Variants in SS18L2 observed in about 807,000 individuals in gnomAD.
SS18L2 encodes SS18-like protein 2.
Under a neutral mutation model 10.3 loss-of-function variants are expected in SS18L2, and 8 were observed. The ratio of observed to expected loss-of-function variants is 0.78; its 90% confidence interval spans 0.46 to 1.41. SS18L2 has a LOEUF of 1.41. SS18L2 is among the 40% of genes most tolerant of loss of function. SS18L2 has a pLI of 0.00. For missense variants in SS18L2, 100 were observed against 96.2 expected, an observed-to-expected ratio of 1.04 and a Z score of -0.17; for synonymous variants, 41 against 34.6, an observed-to-expected ratio of 1.19 and a Z score of -0.65.
rs1356574825 is a variant in SS18L2, at chr3:42,595,503, T to G, written c.*994T>G. 6.6e-6 allele frequency among the ~76,000 whole-genome samples: 1 copy of G among 152,230 alleles called. No homozygotes were observed. Among genetic ancestry groups the G allele is most frequent in the Non-Finnish European group, 1.5e-5 (1 of 68,028 alleles). On this transcript the variant is annotated 3_prime_UTR_variant, in exon 3 of 3. Coordinates refer to ENST00000011691, the MANE Select transcript of SS18L2 (RefSeq NM_001370300.1). ...GATAAGTACTTGCTTTTGCATCACA[T>G]AAGGAGTGACCTGACTTTTAAGTTC...
rs750971722 is a variant in SS18L2 at position 42,594,559 on chromosome 3, A to C, written c.*50A>C. 2.0e-6 allele frequency: 3 copies of C among 1,472,432 alleles called. No homozygotes were observed. Among genetic ancestry groups the C allele is most frequent in the Non-Finnish European group, 2.8e-6 (3 of 1,054,198 alleles). The allele number at this position is 1,472,432 out of a possible 1,614,324, so 91.2% of individuals were successfully genotyped here. The stretch of plus-strand genomic sequence containing the variant: ...TTCCATTTGGCTGTCGTGAGGAGTA[A>C]TTGAATGTAATCCATCTCTTACAAA... On this transcript the variant is annotated 3_prime_UTR_variant, in exon 3 of 3. Transcript: ENST00000011691.
At position 42,590,984 on chromosome 3, in the gene SS18L2, CG is replaced by C; in HGVS notation, c.69+21del. Reference sequence around the variant, plus strand: ...TCCAGCGGGTGAGCATCCACGCGGGCGGGCGGGCGGGCGGAGAGAAGTCGGG... The same window carrying C: ...TCCAGCGGGTGAGCATCCACGCGGGCGGCGGGCGGGCGGAGAGAAGTCGGG... On this transcript the variant is annotated intron_variant, in intron 1 of 2. Coordinates refer to ENST00000011691, the MANE Select transcript of SS18L2 (RefSeq NM_001370300.1). The C allele has an allele frequency of 2.8e-5, 2 of 70,508 alleles. No homozygotes were observed. Among genetic ancestry groups the C allele is most frequent in the Non-Finnish European group, 2.8e-5 (1 of 35,490 alleles). 4.4% of individuals were successfully genotyped at this position (70,508 alleles called of 1,614,324 possible). A position where few individuals can be genotyped will look rare whatever the true frequency, so the allele number is the denominator to read the frequency against.
chr3:42,583,417 G>A (rs1173635800), intron 1 of SS18L2, among the ~76,000 whole-genome samples: 1 of 152,196 alleles, frequency 6.6e-6, no homozygotes, highest in Non-Finnish European at 1.5e-5. Flanking sequence ...TGATGCCACT[G>A]TTCAGCCTTG....
chr3:42,593,142 C>G (rs1350926817), intron 2 of SS18L2, among the ~76,000 whole-genome samples: 1 of 152,098 alleles, frequency 6.6e-6, no homozygotes, highest in East Asian at 1.9e-4. Flanking sequence ...TGGCTCATCC[C>G]TGTAATCCCA....
upstream of SS18L2, among the ~76,000 whole-genome samples, chr3:42,585,946 C>A (rs540786909): frequency 3.3e-5 from 5 of 152,084 alleles, no homozygotes; most frequent in Admixed American, 6.5e-5. Context: ...TTCAACCCCC[C>A]CTCCCCCGCT....
At chr3:42,587,800 T>C (rs1216383815), upstream of SS18L2, among the ~76,000 whole-genome samples, 1 of 151,484 alleles carries the variant, frequency 6.6e-6, no homozygotes, top group Non-Finnish European at 1.5e-5. Flanking sequence ...GGCCAGGCTC[T>C]GTGGCTCACA....
At chr3:42,591,239 GC>G (rs1310333268) in intron 1 of SS18L2, 2 of 543,774 alleles carry the variant, frequency 3.7e-6, no homozygotes, top group Non-Finnish European at 6.4e-6. Flanking sequence ...CCGCTCTGTC[GC>G]CCAGGCTGGA....
Position 42,590,888 on chromosome 3 carries a change from GT to G in SS18L2, c.-8del, listed in dbSNP as rs775313868. The G allele has an allele frequency of 3.9e-5, 63 of 1,611,414 alleles. 2 individuals are homozygous for G. In the South Asian group the frequency reaches 6.9e-4, roughly 18 times the overall value. On this transcript the variant is annotated 5_prime_UTR_variant, in exon 1 of 3. Transcript: ENST00000011691. ...TTGCTTGGCGGTCGTGGTTCCGGAG[GT>G]TCCTCGGGATGTCGGTGGCCTTCGT...
chr3:42,584,264 A>G (rs1483524780), intron 1 of SS18L2, among the ~76,000 whole-genome samples: 1 of 152,120 alleles, frequency 6.6e-6, no homozygotes, highest in Non-Finnish European at 1.5e-5. Context: ...CTGAACACAG[A>G]CTTTTTTTGA....
chr3:42,584,671 A>C (rs901643688), intron 1 of SS18L2, among the ~76,000 whole-genome samples: 5 of 152,242 alleles, frequency 3.3e-5, no homozygotes, highest in Non-Finnish European at 7.3e-5. Context: ...AGTCTAAGAT[A>C]GCCTCCAGGG....
chr3:42,590,854 T>A, upstream of SS18L2: 1 of 1,603,130 alleles, frequency 6.2e-7, no homozygotes, highest in Non-Finnish European at 8.5e-7. Flanking sequence ...CCACCTATCG[T>A]GGGTCGAGTT....
upstream of SS18L2, among the ~76,000 whole-genome samples, chr3:42,588,119 C>T (rs1239234324): frequency 1.3e-5 from 2 of 150,610 alleles, no homozygotes; most frequent in African/African-American, 4.9e-5. Context: ...CAACAAAAAC[C>T]GGGGCCAGGC....
chr3:42,593,204 G>C (rs1280148300), intron 2 of SS18L2, among the ~76,000 whole-genome samples: 1 of 152,136 alleles, frequency 6.6e-6, no homozygotes, highest in East Asian at 1.9e-4. Flanking sequence ...TCTGAGGTCA[G>C]GAGTTCAATA....
At position 42,596,065 on chromosome 3, in the gene SS18L2, C is replaced by G. The variant is rs1486936222; in HGVS notation, c.*1556C>G. ...TTTTTTTTTGAGACGGAATCTCGCT[C>G]TGTCGGAGTGCAGTGGTGCAATTTT... is the stretch of plus-strand genomic sequence containing the variant. On this transcript the variant is annotated 3_prime_UTR_variant, in exon 3 of 3. Coordinates refer to ENST00000011691, the MANE Select transcript of SS18L2 (RefSeq NM_001370300.1). Among the ~76,000 whole-genome samples the G allele has an allele frequency of 6.6e-6, 1 of 151,746 alleles. No homozygotes were observed. Among genetic ancestry groups the G allele is most frequent in the African/African-American group, 2.4e-5 (1 of 41,294 alleles).
upstream of SS18L2, among the ~76,000 whole-genome samples, chr3:42,589,521 C>T (rs1046492840): frequency 1.3e-5 from 2 of 152,174 alleles, no homozygotes; most frequent in African/African-American, 4.8e-5. Context: ...ATGGCTAGAA[C>T]AGGGGACCGG....
In SS18L2 at chr3:42,594,646, T is replaced by A; in HGVS notation, c.*137T>A. ...ACATGAATGAAACCTCTGTGGCTCTTTCGAAACGTGAAAATGTGAAGAAAG... is the reference window on the plus strand; with the variant it reads ...ACATGAATGAAACCTCTGTGGCTCTATCGAAACGTGAAAATGTGAAGAAAG... On this transcript the variant is annotated 3_prime_UTR_variant, in exon 3 of 3. Coordinates refer to ENST00000011691, the MANE Select transcript of SS18L2 (RefSeq NM_001370300.1). 1.5e-6 allele frequency: 1 copy of A among 653,162 alleles called. No homozygotes were observed. The highest frequency in any genetic ancestry group is 2.6e-6 in the Non-Finnish European group (1 of 384,474). The allele number at this position is 653,162 out of a possible 1,614,324, so 40.5% of individuals were successfully genotyped here.
In SS18L2 at chr3:42,591,614, AC is replaced by A; in HGVS notation, c.146+18del. The stretch of plus-strand genomic sequence containing the variant: ...ACGAGTGCGTGCAGTAAGTACCCCC[AC>A]CCCCGCGCCCCTGACCTGTGGGTAG... On this transcript the variant is annotated intron_variant, in intron 2 of 2. Transcript: ENST00000011691. 3.1e-6 allele frequency: 5 copies of A among 1,599,354 alleles called. No individual in the cohort carries two copies. The highest frequency in any genetic ancestry group is 2.7e-5 in the African/African-American group (2 of 74,606).
rs946683513 is a variant in SS18L2, at chr3:42,594,282, T to C, written c.147-140T>C. The C allele has an allele frequency of 1.2e-5, 8 of 643,242 alleles. No individual in the cohort carries two copies. The African/African-American group carries it at 1.3e-4, about 10-fold the overall frequency. The allele number at this position is 643,242 out of a possible 1,614,324, so 39.8% of individuals were successfully genotyped here. ...TCTGACTATATTTTCCTTAAATATG[T>C]TAAACAAGAAGGTTGATAACACTGA... On this transcript the variant is annotated intron_variant, in intron 2 of 2. Transcript: ENST00000011691.
chr3:42,588,652 C>T (rs574332619), upstream of SS18L2, among the ~76,000 whole-genome samples: 5 of 151,918 alleles, frequency 3.3e-5, no homozygotes, highest in East Asian at 9.7e-4. Flanking sequence ...AAGTATAGGC[C>T]GGGCATGGTG....
Sources: allele counts gnomAD v4.1 joint callset (sites outside exome capture counted in the v4.1 genomes callset), GRCh38; gene constraint gnomAD v4.1.1; transcripts MANE v1.5; gene names NCBI Gene and HGNC (gene_info 2026-07-23, HGNC 2026-07-21).